GAS7: variants seen among roughly 807,000 people sequenced by gnomAD.
GAS7 encodes the protein growth arrest specific 7.
A neutral mutation model predicts 71.1 loss-of-function variants in GAS7; 28 were observed. The ratio of observed to expected loss-of-function variants is 0.39; its 90% CI spans 0.29 to 0.54. The LOEUF (loss-of-function observed/expected upper bound fraction) is 0.54. Among genes scored for constraint, GAS7 ranks in the 20% least tolerant of loss-of-function variants. GAS7 has a pLI of 0.62. For missense variants in GAS7, 436 were observed against 627.8 expected, an observed-to-expected ratio of 0.69 and a Z score of 3.27; for synonymous variants, 258 against 245.8, an observed-to-expected ratio of 1.05 and a Z score of -0.46.
Position 9,926,506 on chromosome 17 carries a change from G to T in GAS7, c.1014+135C>A. On this transcript the variant is annotated intron_variant, in intron 10 of 13. Transcript: ENST00000432992. This position sits in a 1 kb window ranked among gnomAD's most constrained non-coding sequence, Gnocchi z 5.0. Reference sequence around the variant, plus strand: ...GTGCTCTGGCGTAGGCACGAGGCTTGGACATCCCCCTATTCCCCTACCTGG... The same window carrying T: ...GTGCTCTGGCGTAGGCACGAGGCTTTGACATCCCCCTATTCCCCTACCTGG... The T allele has an allele frequency of 1.1e-6, 1 of 927,460 alleles. No individual in the cohort carries two copies. Among genetic ancestry groups the T allele is most frequent in the Non-Finnish European group, 1.7e-6 (1 of 605,680 alleles). The allele number at this position is 927,460 out of a possible 1,614,324, so 57.5% of individuals were successfully genotyped here.
chr17:10,168,102 T>G (rs2074308970), intron 1 of GAS7, among the ~76,000 whole-genome samples: 1 of 152,192 alleles, frequency 6.6e-6, no homozygotes, highest in South Asian at 2.1e-4. Context: ...CTCAATTCTT[T>G]GCCATGGTAC....
At chr17:10,096,212 C>T (rs781731033) in intron 1 of GAS7, among the ~76,000 whole-genome samples, 5 of 152,170 alleles carry the variant, frequency 3.3e-5, no homozygotes, top group African/African-American at 1.2e-4. Context: ...CCAGTCTCTG[C>T]CACATATATA....
Position 10,019,854 on chromosome 17 carries a change from G to A in GAS7, c.227C>T (p.Thr76Met), listed in dbSNP as rs758050485. Residue 76 changes from threonine (T) to methionine (M), a missense_variant, in exon 2 of 14, where the codon ACG (threonine) becomes ATG (methionine). Physicochemically the swap from Thr to Met is moderately conservative, Grantham distance 81 (BLOSUM62 -1). Transcript: ENST00000432992. ...VPPPPGEESQ[T>M]VILPPGWQSY... is the part of the protein sequence containing the mutation. ...CTGCCAGCCAGGTGGAAGGATGACC[G>A]TCTGGCTTTCTTCTCCCGGCGGAGG... is the stretch of plus-strand genomic sequence containing the variant. 9 of 1,613,432 alleles carry A rather than the reference G, an allele frequency of 5.6e-6. No individual in the cohort carries two copies. The highest frequency in any genetic ancestry group is 1.7e-5 in the Admixed American group (1 of 60,000).
chr17:9,980,418 C>G (rs543707577), intron 3 of GAS7, among the ~76,000 whole-genome samples: 2 of 152,310 alleles, frequency 1.3e-5, no homozygotes, highest in South Asian at 4.2e-4. Context: ...GTTCCCTGTG[C>G]TGCTTCAGGT....
intron 1 of GAS7, among the ~76,000 whole-genome samples, chr17:10,102,204 G>A (rs1294196125): frequency 1.9e-5 from 1 of 51,386 alleles, no homozygotes; most frequent in African/African-American, 8.8e-5. Flanking sequence ...AAGAGTGCCC[G>A]TAAAAAAAAA....
intron 1 of GAS7, among the ~76,000 whole-genome samples, chr17:10,121,578 G>A (rs1400445481): frequency 2.6e-5 from 4 of 152,060 alleles, no homozygotes; most frequent in Non-Finnish European, 5.9e-5. Flanking sequence ...GTGAATGAAG[G>A]TCCAGTGCTT....
chr17:9,934,264 A>C lies in GAS7; in HGVS notation c.807-20T>G. ...AAGGAGCTGCAACACAAAGACCATG[A>C]GACTCAGGTCACAAGCCAAAGCCCT... On this transcript the variant is annotated intron_variant, in intron 8 of 13. Transcript: ENST00000432992. 6.4e-7 allele frequency: 1 copy of C among 1,558,204 alleles called. No homozygotes were observed. Among genetic ancestry groups the C allele is most frequent in the Non-Finnish European group, 8.8e-7 (1 of 1,131,604 alleles).
At chr17:10,038,068 C>A (rs557634137) in intron 1 of GAS7, among the ~76,000 whole-genome samples, 27 of 151,078 alleles carry the variant, frequency 1.8e-4, no homozygotes, top group African/African-American at 4.9e-4. Flanking sequence ...AAAAAAAAAA[C>A]CAGACAAGGC....
intron 5 of GAS7, among the ~76,000 whole-genome samples, chr17:9,958,281 T>G (rs1204815995): frequency 2.0e-5 from 3 of 152,222 alleles, no homozygotes; most frequent in Non-Finnish European, 4.4e-5. Flanking sequence ...GACAATTAAA[T>G]GAGCCACTTG....
At position 9,917,232 on chromosome 17, in the gene GAS7, A is replaced by G; in HGVS notation, c.1427T>C (p.Ile476Thr). The change falls in exon 14 of 14, where the codon ATC (isoleucine) becomes ACC (threonine). Residue 476 changes from isoleucine to threonine, a missense_variant. Coordinates refer to ENST00000432992, the MANE Select transcript of GAS7 (RefSeq NM_201433.2). ...TGNIRPVDME[I>T] Reference sequence around the variant, plus strand: ...CCCGAAGCTGCACAGGCCCATCTAGATCTCCATGTCCACAGGGCGGATGTT... The same window carrying G: ...CCCGAAGCTGCACAGGCCCATCTAGGTCTCCATGTCCACAGGGCGGATGTT... 1.3e-6 allele frequency: 2 copies of G among 1,570,054 alleles called. No homozygotes were observed. The highest frequency in any genetic ancestry group is 1.8e-6 in the Non-Finnish European group (2 of 1,139,898).
chr17:10,111,147 T>G (rs2142065909), intron 1 of GAS7, among the ~76,000 whole-genome samples: 1 of 152,274 alleles, frequency 6.6e-6, no homozygotes, highest in South Asian at 2.1e-4. Flanking sequence ...GCACCTGTAA[T>G]CCTAGCAGTT....
chr17:10,048,448 T>A (rs2073013141), intron 1 of GAS7, among the ~76,000 whole-genome samples: 1 of 152,198 alleles, frequency 6.6e-6, no homozygotes, highest in South Asian at 2.1e-4. Context: ...TCTACTAGAA[T>A]AAAAGCTCCA....
At chr17:10,114,473 C>G (rs2073841915) in intron 1 of GAS7, 1 of 152,172 alleles carries the variant, frequency 6.6e-6, no homozygotes, top group Admixed American at 6.5e-5. Flanking sequence ...CCGTTTCTGA[C>G]TGGGGTGCCA....
intron 1 of GAS7, among the ~76,000 whole-genome samples, chr17:10,109,927 G>A (rs146500209): frequency 2.0e-5 from 3 of 151,950 alleles, no homozygotes; most frequent in South Asian, 2.1e-4. Context: ...GGTGGTGGGC[G>A]CCTGTAATCC....
At chr17:10,150,070 T>C (rs1038806491) in intron 1 of GAS7, among the ~76,000 whole-genome samples, 2 of 152,186 alleles carry the variant, frequency 1.3e-5, no homozygotes, top group Non-Finnish European at 2.9e-5. Context: ...TATAAACCAC[T>C]GAACTGTATA....
rs1482311466 is a variant in GAS7 at position 9,981,805 on chromosome 17, T to C, written c.384A>G (p.Thr128=). 1 of 1,561,668 alleles carries C rather than the reference T, an allele frequency of 6.4e-7. No homozygotes were observed. The change falls in exon 3 of 14, where the codon ACA becomes ACG. Residue 128 remains threonine, a splice_region_variant and synonymous_variant. Coordinates refer to ENST00000432992, the MANE Select transcript of GAS7 (RefSeq NM_201433.2). The surrounding 1 kb of genome is among the most constrained non-coding windows in gnomAD (Gnocchi z 4.4). ...CCCAAAGCAGACAGCGGACATTACCTGTTGGAGGCAGAGAGCTCCTGTGAG... is the reference window on the plus strand; with the variant it reads ...CCCAAAGCAGACAGCGGACATTACCCGTTGGAGGCAGAGAGCTCCTGTGAG... ...PGSHRSSLPP[T]VNGYHASGTP...
intron 1 of GAS7, among the ~76,000 whole-genome samples, chr17:10,050,074 A>G (rs2073042148): frequency 6.6e-6 from 1 of 152,164 alleles, no homozygotes; most frequent in African/African-American, 2.4e-5. Context: ...TTCTATAATG[A>G]GCATATTAAT....
At chr17:9,935,402 C>T (rs1025016291) in intron 8 of GAS7, among the ~76,000 whole-genome samples, 3 of 152,240 alleles carry the variant, frequency 2.0e-5, no homozygotes, top group Non-Finnish European at 4.4e-5. Context: ...AGCTCTTTAA[C>T]CGCATGACCC....
At chr17:10,081,218 G>A (rs917175041) in intron 1 of GAS7, among the ~76,000 whole-genome samples, 2 of 152,096 alleles carry the variant, frequency 1.3e-5, no homozygotes, top group Admixed American at 6.5e-5. Flanking sequence ...GCGATGGCGC[G>A]ATCTCAGCTC....
Sources: gnomAD v4.1 joint callset for allele counts (sites outside exome capture counted in the v4.1 genomes callset) on GRCh38, gnomAD v4.1.1 for gene constraint, Gnocchi (gnomAD v3.1) non-coding constraint, MANE v1.5 for transcripts, NCBI Gene and HGNC (gene_info 2026-07-23, HGNC 2026-07-21) for gene names.